CDH12: variants seen among roughly 807,000 people sequenced by gnomAD.
The protein encoded by CDH12 is cadherin 12.
CDH12 carries 41 observed loss-of-function variants against 74.1 expected under a neutral mutation model. The ratio of observed to expected loss-of-function variants is 0.55; its 90% CI spans 0.43 to 0.72. The LOEUF is 0.72. Among genes scored for constraint, CDH12 ranks in the 30% least tolerant of loss-of-function variants. CDH12 has a pLI of 0.00. For synonymous variants in CDH12, 399 were observed against 355.0 expected, an observed-to-expected ratio of 1.12 and a Z score of -1.39; for missense variants, 945 against 977.2, an observed-to-expected ratio of 0.97 and a Z score of 0.44.
intron 4 of CDH12, among the ~76,000 whole-genome samples, chr5:22,138,845 A>AATTAAT (rs1746613567): frequency 1.3e-5 from 1 of 76,552 alleles, no homozygotes; most frequent in Non-Finnish European, 2.7e-5. Flanking sequence ...ATATATACGT[A>AATTAAT]ATATATATAT....
At chr5:22,740,940 C>A (rs6452094) in intron 1 of CDH12, among the ~76,000 whole-genome samples, 127,604 of 152,092 alleles carry the variant, frequency 0.84, 53,577 homozygotes, top group Non-Finnish European at 0.86. Context: ...ATTAACAAAA[C>A]CAAAATATAA....
intron 1 of CDH12, among the ~76,000 whole-genome samples, chr5:22,607,131 C>A (rs1561524436): frequency 6.6e-6 from 1 of 152,002 alleles, no homozygotes; most frequent in Admixed American, 6.6e-5. Context: ...AGAGCATAAA[C>A]GTTTGGAAAA....
chr5:22,377,474 T>C (rs1190028176), intron 3 of CDH12, among the ~76,000 whole-genome samples: 1 of 152,084 alleles, frequency 6.6e-6, no homozygotes, highest in Non-Finnish European at 1.5e-5. Context: ...GCCAAGTGTG[T>C]CCTCATTTGC....
Position 22,735,550 on chromosome 5 carries a change from T to C in CDH12, c.-523+117508A>G, listed in dbSNP as rs111871042. Among the ~76,000 whole-genome samples, 136 of 152,066 alleles carry C rather than the reference T, an allele frequency of 8.9e-4. 1 individual carries two copies. The highest frequency in any genetic ancestry group is 2.9e-3 in the African/African-American group (122 of 41,544). Reference sequence around the variant, plus strand: ...GTATATAAATCCACCCCGAATGTCATCTTTCAAGTTTTAGTTCCTAAAGTA... The same window carrying C: ...GTATATAAATCCACCCCGAATGTCACCTTTCAAGTTTTAGTTCCTAAAGTA... On this transcript the variant is annotated intron_variant, in intron 1 of 14. Transcript: ENST00000382254.
At chr5:22,524,578 A>G (rs879735843) in intron 1 of CDH12, among the ~76,000 whole-genome samples, 2 of 152,122 alleles carry the variant, frequency 1.3e-5, no homozygotes, top group Admixed American at 1.3e-4. Flanking sequence ...TAAAGAGACA[A>G]TTTCCTTGAC....
Position 21,755,810 on chromosome 5 carries a change from C to G in CDH12, c.1666G>C (p.Gly556Arg), listed in dbSNP as rs1342429582. The change falls in exon 14 of 15, where the codon GGA becomes CGA. Residue 556 changes from glycine to arginine, a missense_variant. By Grantham distance (125) the Gly-to-Arg change is moderately radical (BLOSUM62 -2). Coordinates refer to ENST00000382254, the MANE Select transcript of CDH12 (RefSeq NM_004061.5). ...AACTCTTGCTGCCTGCGGCTGTATCCATTTCTTCGGGTTTCAATCCCCGCT... is the reference window on the plus strand; with the variant it reads ...AACTCTTGCTGCCTGCGGCTGTATCGATTTCTTCGGGTTTCAATCCCCGCT... Reference protein sequence around the residue: ...NTAGIETRRNGYSRRQQELYF... With the variant: ...NTAGIETRRNRYSRRQQELYF... The G allele has an allele frequency of 1.9e-6, 3 of 1,614,016 alleles. No individual in the cohort carries two copies. In the South Asian group the frequency reaches 3.3e-5, roughly 18 times the overall value.
chr5:21,898,584 C>T (rs781632368), intron 6 of CDH12, among the ~76,000 whole-genome samples: 10 of 151,934 alleles, frequency 6.6e-5, no homozygotes, highest in Non-Finnish European at 1.5e-4. Flanking sequence ...CGCCTATAGT[C>T]CCAGCTACTC....
In CDH12 at chr5:22,014,639, A is replaced by G. The variant is rs190117158; in HGVS notation, c.232-39254T>C. Among the ~76,000 whole-genome samples, 896 of 152,250 alleles carry G rather than the reference A, an allele frequency of 5.9e-3. 10 individuals are homozygous for G. Among genetic ancestry groups the G allele is most frequent in the African/African-American group, 0.021 (864 of 41,556 alleles). On this transcript the variant is annotated intron_variant, in intron 5 of 14. Transcript: ENST00000382254. ...CAGTGTTAATGACAGAATGCAATAG[A>G]GTCATCCTGCTATGTAAACAGAAGC... is the stretch of plus-strand genomic sequence containing the variant.
chr5:22,345,660 A>T (rs1184498670), intron 3 of CDH12, among the ~76,000 whole-genome samples: 1 of 152,184 alleles, frequency 6.6e-6, no homozygotes, highest in Non-Finnish European at 1.5e-5. Context: ...CAATCAATTA[A>T]AATCATCTAA....
chr5:22,703,622 C>A (rs1018487509), intron 1 of CDH12, among the ~76,000 whole-genome samples: 10 of 151,870 alleles, frequency 6.6e-5, no homozygotes, highest in Non-Finnish European at 1.2e-4. Context: ...AAAAATGTGG[C>A]AAAAAAATTA....
intron 2 of CDH12, among the ~76,000 whole-genome samples, chr5:22,439,280 CA>C (rs1055958431): frequency 2.0e-5 from 3 of 151,012 alleles, no homozygotes; most frequent in African/African-American, 4.9e-5. Context: ...CCTGCTTTGA[CA>C]AAAAAAAGAA....
At chr5:22,699,749 C>T (rs927162365) in intron 1 of CDH12, among the ~76,000 whole-genome samples, 2 of 152,278 alleles carry the variant, frequency 1.3e-5, no homozygotes, top group Non-Finnish European at 2.9e-5. Flanking sequence ...AGAATATTCT[C>T]TTCCTATAAG....
intron 1 of CDH12, among the ~76,000 whole-genome samples, chr5:22,787,371 A>G (rs1356203851): frequency 2.0e-5 from 3 of 152,192 alleles, no homozygotes; most frequent in Middle Eastern, 3.4e-3. Flanking sequence ...CTCTATTCCA[A>G]TTAGCCTACC....
chr5:22,798,421 T>C (rs905386299), intron 1 of CDH12, among the ~76,000 whole-genome samples: 11 of 151,016 alleles, frequency 7.3e-5, no homozygotes, highest in Non-Finnish European at 1.5e-4. Context: ...ACAGTGCAGT[T>C]TTTTATTAGA....
intron 4 of CDH12, among the ~76,000 whole-genome samples, chr5:22,098,643 C>G (rs1009522391): frequency 2.0e-4 from 31 of 152,322 alleles, no homozygotes; most frequent in African/African-American, 7.0e-4. Flanking sequence ...TGTATTCACT[C>G]TTCGTTGAGT....
chr5:22,359,458 T>C (rs1740705492), intron 3 of CDH12, among the ~76,000 whole-genome samples: 1 of 152,134 alleles, frequency 6.6e-6, no homozygotes. Context: ...CAAAGAGACT[T>C]AGACTCCCAC....
At chr5:22,685,946 A>T (rs1741774864) in intron 1 of CDH12, among the ~76,000 whole-genome samples, 1 of 152,172 alleles carries the variant, frequency 6.6e-6, no homozygotes, top group Non-Finnish European at 1.5e-5. Flanking sequence ...TAGTAATTAT[A>T]GTTGGCATAT....
At chr5:22,177,319 T>C (rs1306130856) in intron 4 of CDH12, among the ~76,000 whole-genome samples, 1 of 152,170 alleles carries the variant, frequency 6.6e-6, no homozygotes, top group African/African-American at 2.4e-5. Flanking sequence ...ATCTTCTAAA[T>C]GAAATGAAAA....
In CDH12 at chr5:21,796,060, T is replaced by C. The variant is rs570130827; in HGVS notation, c.1256+6107A>G. Among the ~76,000 whole-genome samples, 52 of 152,208 alleles carry C rather than the reference T, an allele frequency of 3.4e-4. 1 individual carries two copies. Among genetic ancestry groups the C allele is most frequent in the Non-Finnish European group, 5.7e-4 (39 of 67,972 alleles). On this transcript the variant is annotated intron_variant, in intron 10 of 14. Transcript: ENST00000382254. ...TTGAAAATGTTTTCTGATTATTATT[T>C]AAATTACCTACTTGATTTTAAGTGA...
Sources: gnomAD v4.1 joint callset for allele counts (sites outside exome capture counted in the v4.1 genomes callset) on GRCh38, gnomAD v4.1.1 for gene constraint, MANE v1.5 for transcripts, NCBI Gene and HGNC (gene_info 2026-07-23, HGNC 2026-07-21) for gene names.